The following CAPN1 variants were observed in gnomAD, a reference collection of about 807,000 sequenced individuals.
The protein encoded by CAPN1 is calpain 1, also known as calpain-1 catalytic subunit.
A neutral mutation model predicts 105.2 loss-of-function variants in CAPN1; 77 were observed. That is an observed-to-expected ratio of 0.73 (90% CI 0.61 to 0.88). The LOEUF (loss-of-function observed/expected upper bound fraction) is 0.88. CAPN1 is among the 40% of genes least tolerant of loss of function. The pLI is 0.00. For missense variants in CAPN1, 833 were observed against 976.6 expected (o/e 0.85, Z 1.96); for synonymous variants, 355 against 388.8 (o/e 0.91, Z 1.02).
chr11:65,195,100 G>GGTTTTTTTTTTTTTTTTTTTTT (rs1565403828), intron 10 of CAPN1, among the ~76,000 whole-genome samples: 2 of 90,906 alleles, frequency 2.2e-5, no homozygotes, highest in African/African-American at 3.4e-5. Flanking sequence ...GTTTTTTGGG[G>GGTTTTTTTTTTTTTTTTTTTTT]TTTTTTTTTT....
Position 65,188,515 on chromosome 11 carries a change from A to G in CAPN1, c.1004+27A>G. ...TGAGCGCCCCCTCCCCTTCTACCCC[A>G]CCTCTCCACCCCTACACATCAGCTC... On this transcript the variant is annotated intron_variant, in intron 9 of 21. Coordinates refer to ENST00000279247, the MANE Select transcript of CAPN1 (RefSeq NM_005186.4). The surrounding 1 kb of genome is among the most constrained non-coding windows in gnomAD (Gnocchi z 5.5). The G allele has an allele frequency of 1.2e-6, 2 of 1,611,740 alleles. No homozygotes were observed. Among genetic ancestry groups the G allele is most frequent in the Non-Finnish European group, 1.7e-6 (2 of 1,178,882 alleles).
chr11:65,201,733 T>G (rs1199421867), intron 10 of CAPN1, among the ~76,000 whole-genome samples: 2 of 151,892 alleles, frequency 1.3e-5, no homozygotes, highest in South Asian at 4.2e-4. Flanking sequence ...TTAGCCAGGA[T>G]GGTCTCGATC....
intron 12 of CAPN1, chr11:65,205,950 C>T: frequency 1.7e-6 from 1 of 581,374 alleles, no homozygotes. Flanking sequence ...GTCCTCAGAG[C>T]CCCTGTCTGA....
chr11:65,188,088 G>A lies in CAPN1; in HGVS notation c.929+48G>A, dbSNP rs1948663139. 1.1e-5 allele frequency: 15 copies of A among 1,306,718 alleles called. No individual in the cohort carries two copies. The highest frequency in any genetic ancestry group is 1.6e-5 in the Non-Finnish European group (15 of 941,388). 80.9% of individuals were successfully genotyped at this position (1,306,718 alleles called of 1,614,324 possible). A position where few individuals can be genotyped will look rare whatever the true frequency, so the allele number is the denominator to read the frequency against. ...TGGAGTGCCTTGGGGAAACTGTTAG[G>A]TGCCCCGACATTTCTGCTCGGGACT... is the stretch of plus-strand genomic sequence containing the variant. On this transcript the variant is annotated intron_variant, in intron 8 of 21. Transcript: ENST00000279247. The surrounding 1 kb of genome is among the most constrained non-coding windows in gnomAD (Gnocchi z 5.5).
chr11:65,203,209 T>TTTA (rs1948898089), intron 10 of CAPN1, among the ~76,000 whole-genome samples: 3 of 152,198 alleles, frequency 2.0e-5, no homozygotes, highest in Middle Eastern at 3.4e-3. Context: ...TTTTTTTTTT[T>TTTA]AAATGGAATC....
chr11:65,202,624 G>A (rs1342509455), intron 10 of CAPN1, among the ~76,000 whole-genome samples: 13 of 151,738 alleles, frequency 8.6e-5, no homozygotes, highest in Non-Finnish European at 1.9e-4. Context: ...TGCATTTTTA[G>A]TACAGACGGG....
At chr11:65,192,167 A>G (rs61893622) in intron 10 of CAPN1, among the ~76,000 whole-genome samples, 2 of 152,156 alleles carry the variant, frequency 1.3e-5, no homozygotes, top group Admixed American at 6.5e-5. Context: ...CCAGGGAGGT[A>G]GAGGCTACAG....
chr11:65,206,129 G>A, intron 12 of CAPN1: 1 of 523,312 alleles, frequency 1.9e-6, no homozygotes, highest in East Asian at 3.3e-5. Flanking sequence ...GGGTGTAACA[G>A]CAGAACAGCA....
At chr11:65,185,846 G>A in intron 4 of CAPN1, 71 bp from the exon 5 acceptor site, 1 of 1,483,724 alleles carries the variant, frequency 6.7e-7, no homozygotes, top group Middle Eastern at 2.0e-4. Flanking sequence ...CATCTAGGAA[G>A]GTAGGGGTAA....
rs549948123 is a variant in CAPN1 at position 65,209,620 on chromosome 11, C to T, written c.1795-229C>T. The T allele has an allele frequency of 8.5e-5, 54 of 636,628 alleles. 1 individual carries two copies. The South Asian group carries it at 9.9e-4, about 12-fold the overall frequency. 39.4% of individuals were successfully genotyped at this position (636,628 alleles called of 1,614,324 possible). ...GGAGCAAGACCTGGGTCCCCATTGACCCTGAGGCTGGTGCTATTTCTGACC... is the reference window on the plus strand; with the variant it reads ...GGAGCAAGACCTGGGTCCCCATTGATCCTGAGGCTGGTGCTATTTCTGACC... On this transcript the variant is annotated intron_variant, in intron 17 of 21. Transcript: ENST00000279247. The surrounding 1 kb of genome is among the most constrained non-coding windows in gnomAD (Gnocchi z 4.1).
Position 65,210,247 on chromosome 11 carries a change from C to T in CAPN1, c.1943-89C>T, listed in dbSNP as rs757351079. 1.7e-6 allele frequency: 2 copies of T among 1,169,884 alleles called. No homozygotes were observed. The highest frequency in any genetic ancestry group is 2.5e-6 in the Non-Finnish European group (2 of 793,886). 72.5% of individuals were successfully genotyped at this position (1,169,884 alleles called of 1,614,324 possible). ...CACGGTTACTAGCACCCTGCCTAGC[C>T]CCAGCCCCCTCCTGGGGACCCAACC... is the stretch of plus-strand genomic sequence containing the variant. On this transcript the variant is annotated intron_variant, in intron 19 of 21. Transcript: ENST00000279247. The surrounding 1 kb of genome is among the most constrained non-coding windows in gnomAD (Gnocchi z 4.3).
rs1423509575 is a variant in CAPN1, at chr11:65,204,800, G to A, written c.1283G>A (p.Arg428His). The change falls in exon 11 of 22, where the codon CGT becomes CAT. Residue 428 changes from arginine to histidine, a missense_variant. Transcript: ENST00000279247. ...SFVLALMQKH[R>H]RRERRFGRDM... is the part of the protein sequence containing the mutation. ...GTGCTCGCCCTTATGCAGAAGCACC[G>A]TCGCCGCGAGCGCCGCTTCGGCCGC... 17 of 1,612,686 alleles carry A rather than the reference G, an allele frequency of 1.1e-5. No homozygotes were observed. Among genetic ancestry groups the A allele is most frequent in the South Asian group, 4.4e-5 (4 of 91,076 alleles).
In CAPN1 at chr11:65,209,334, C is replaced by T. The variant is rs866758793; in HGVS notation, c.1741C>T (p.Arg581Trp). 52 of 1,613,346 alleles carry T rather than the reference C, an allele frequency of 3.2e-5. 1 individual carries two copies. Among genetic ancestry groups the T allele is most frequent in the South Asian group, 2.6e-4 (24 of 91,016 alleles). The change falls in exon 17 of 22, where the codon CGG becomes TGG. Residue 581 changes from arginine (R) to tryptophan (W), a missense_variant. Physicochemically the swap from Arg to Trp is moderately radical, Grantham distance 101. Coordinates refer to ENST00000279247, the MANE Select transcript of CAPN1 (RefSeq NM_005186.4). The surrounding 1 kb of genome is among the most constrained non-coding windows in gnomAD (Gnocchi z 4.1). ...GGTTTTTCTTGCAGACAAAGACCTG[C>T]GGACCAAGGGCTTCAGCCTAGAGTC... is the stretch of plus-strand genomic sequence containing the variant. ...NRIISKHKDL[R>W]TKGFSLESCR...
chr11:65,205,681 C>T, intron 11 of CAPN1, 29 bp from the exon 12 acceptor site: 1 of 1,613,112 alleles, frequency 6.2e-7, no homozygotes, highest in Non-Finnish European at 8.5e-7. Flanking sequence ...AAACACACAT[C>T]TCTGACTTCC....
chr11:65,195,735 A>T (rs943717996), intron 10 of CAPN1, among the ~76,000 whole-genome samples: 3 of 152,040 alleles, frequency 2.0e-5, no homozygotes, highest in Non-Finnish European at 2.9e-5. Context: ...CTTTAAGGTA[A>T]TGCTGGCCTC....
intron 4 of CAPN1, among the ~76,000 whole-genome samples, chr11:65,184,088 C>T (rs1948595064): frequency 6.6e-6 from 1 of 152,130 alleles, no homozygotes; most frequent in South Asian, 2.1e-4. Context: ...GCCCATTTTT[C>T]AAGTCACACC....
At position 65,209,249 on chromosome 11, in the gene CAPN1, C is replaced by A; in HGVS notation, c.1730-74C>A. The A allele has an allele frequency of 8.2e-7, 1 of 1,223,572 alleles. No individual in the cohort carries two copies. Among genetic ancestry groups the A allele is most frequent in the East Asian group, 2.4e-5 (1 of 41,126 alleles). The allele number at this position is 1,223,572 out of a possible 1,614,324, so 75.8% of individuals were successfully genotyped here. A position where few individuals can be genotyped will look rare whatever the true frequency, so the allele number is the denominator to read the frequency against. Reference sequence around the variant, plus strand: ...GATTTGTGCGTCCTTGACTCTGCCCCACCCAGTGCTCCCAGCAGGGGCAGG... The same window carrying A: ...GATTTGTGCGTCCTTGACTCTGCCCAACCCAGTGCTCCCAGCAGGGGCAGG... On this transcript the variant is annotated intron_variant, in intron 16 of 21. Transcript: ENST00000279247. The surrounding 1 kb of genome is among the most constrained non-coding windows in gnomAD (Gnocchi z 4.1).
chr11:65,205,705 T>C lies in CAPN1; in HGVS notation c.1342-5T>C. 1 of 1,613,642 alleles carries C rather than the reference T, an allele frequency of 6.2e-7. No homozygotes were observed. ...TCTCTGACTTCCCCTGTCTCTCTAT[T>C]GCAGGTCCCTCCGGAGGTAGGTGTG... On this transcript the variant is annotated splice_polypyrimidine_tract_variant and splice_region_variant and intron_variant, in intron 11 of 21. Coordinates refer to ENST00000279247, the MANE Select transcript of CAPN1 (RefSeq NM_005186.4).
intron 12 of CAPN1, 30 bp from the exon 13 acceptor site, chr11:65,206,433 G>A (rs764803380): frequency 8.2e-6 from 13 of 1,582,268 alleles, no homozygotes; most frequent in Non-Finnish European, 1.0e-5. Flanking sequence ...GTGGGCAGCT[G>A]CAGCCCTGCT....
Sources: gnomAD v4.1 joint callset for allele counts (sites outside exome capture counted in the v4.1 genomes callset) on GRCh38, gnomAD v4.1.1 for gene constraint, Gnocchi (gnomAD v3.1) non-coding constraint, MANE v1.5 for transcripts, NCBI Gene and HGNC (gene_info 2026-07-23, HGNC 2026-07-21) for gene names.